Variants in SMARCA2 observed in about 807,000 individuals in gnomAD.
SMARCA2 encodes SWI/SNF-related matrix-associated actin-dependent regulator of chromatin subfamily A member 2.
Under a neutral mutation model 199.8 loss-of-function variants are expected in SMARCA2, and 61 were observed. The ratio of observed to expected loss-of-function variants is 0.31; its 90% CI spans 0.25 to 0.38. The LOEUF (loss-of-function observed/expected upper bound fraction) is 0.38, where lower values mean the gene tolerates loss of function less well. SMARCA2 is among the 10% of genes least tolerant of loss of function. The probability of loss-of-function intolerance (pLI) is 1.00; values close to 1 mark genes in which losing one functional copy is unlikely to be tolerated. For missense variants in SMARCA2, 1,344 were observed against 2,012.2 expected, an observed-to-expected ratio of 0.67 and a Z score of 6.35; for synonymous variants, 935 against 732.0, an observed-to-expected ratio of 1.28 and a Z score of -4.48.
chr9:2,175,647 G>C (rs754907939), intron 29 of SMARCA2, among the ~76,000 whole-genome samples: 1 of 152,158 alleles, frequency 6.6e-6, no homozygotes, highest in Middle Eastern at 3.2e-3. Flanking sequence ...TTCAATGAAG[G>C]TAACCCAATT....
chr9:2,122,484 A>T (rs1399047816), intron 26 of SMARCA2, among the ~76,000 whole-genome samples: 1 of 152,240 alleles, frequency 6.6e-6, no homozygotes, highest in Non-Finnish European at 1.5e-5. Flanking sequence ...AGGATTAAGC[A>T]TCGTGAGCTA....
Position 2,016,140 on chromosome 9 carries a change from G to T in SMARCA2, c.-37+736G>T, listed in dbSNP as rs1480717920. On this transcript the variant is annotated intron_variant, in intron 1 of 33. Transcript: ENST00000349721. This position sits in a 1 kb window ranked among gnomAD's most constrained non-coding sequence, Gnocchi z 5.6. The stretch of plus-strand genomic sequence containing the variant: ...AGGAGGTAGCGGCCACTGCCGCGGG[G>T]CCGGTGCGTGCCTGATCGGAGGTGT... 4 of 152,370 alleles carry T rather than the reference G, an allele frequency of 2.6e-5. No individual in the cohort carries two copies. The highest frequency in any genetic ancestry group is 7.2e-5 in the African/African-American group (3 of 41,470). The allele number at this position is 152,370 out of a possible 1,614,324, so 9.4% of individuals were successfully genotyped here. A position where few individuals can be genotyped will look rare whatever the true frequency, so the allele number is the denominator to read the frequency against.
rs1265913219 is a variant in SMARCA2, at chr9:2,118,379, T to C, written c.3685-1079T>C. Among the ~76,000 whole-genome samples, 4 of 152,324 alleles carry C rather than the reference T, an allele frequency of 2.6e-5. No homozygotes were observed. In the East Asian group the frequency reaches 7.7e-4, roughly 29 times the overall value. On this transcript the variant is annotated intron_variant, in intron 25 of 33. Transcript: ENST00000349721. Reference sequence around the variant, plus strand: ...ATTGGATTGCATTCATTTCTAACACTTATTAAGTTCCTGCAGTGCGAAAGA... The same window carrying C: ...ATTGGATTGCATTCATTTCTAACACCTATTAAGTTCCTGCAGTGCGAAAGA...
intron 19 of SMARCA2, 116 bp downstream of exon 19, chr9:2,088,729 A>G (rs904489254): frequency 6.9e-6 from 5 of 723,266 alleles, no homozygotes; most frequent in Middle Eastern, 2.5e-4. Context: ...AGTTAATAGT[A>G]TCTTGAAAAT....
At chr9:2,019,506 A>G (rs1818513131) in intron 1 of SMARCA2, among the ~76,000 whole-genome samples, 1 of 152,018 alleles carries the variant, frequency 6.6e-6, no homozygotes, top group Admixed American at 6.6e-5. Flanking sequence ...CAAAAAAAAA[A>G]AAAAAAAAGT....
intron 5 of SMARCA2, among the ~76,000 whole-genome samples, chr9:2,049,062 C>A (rs142573961): frequency 6.6e-6 from 1 of 152,186 alleles, no homozygotes; most frequent in African/African-American, 2.4e-5. Flanking sequence ...TACAAGCTCC[C>A]TAGTTAAAAC....
At chr9:2,131,131 C>T (rs1472901095) in intron 27 of SMARCA2, among the ~76,000 whole-genome samples, 1 of 152,162 alleles carries the variant, frequency 6.6e-6, no homozygotes, top group African/African-American at 2.4e-5. Flanking sequence ...TTTTGCCCCA[C>T]AGCACTGGAA....
At position 2,050,016 on chromosome 9, in the gene SMARCA2, A is replaced by G. The variant is rs545297369; in HGVS notation, c.1046+2532A>G. Among the ~76,000 whole-genome samples, 38 of 152,362 alleles carry G rather than the reference A, an allele frequency of 2.5e-4. No individual in the cohort carries two copies. The South Asian group carries it at 7.7e-3, about 31-fold the overall frequency. ...TGTTAATTTCTTTGGGTCTTGTAAT[A>G]TCATTTACCTTGTCTATGAAATTTG... On this transcript the variant is annotated intron_variant, in intron 5 of 33. Coordinates refer to ENST00000349721, the MANE Select transcript of SMARCA2 (RefSeq NM_003070.5).
intron 23 of SMARCA2, among the ~76,000 whole-genome samples, chr9:2,105,217 C>T (rs570526935): frequency 6.6e-6 from 1 of 151,714 alleles, no homozygotes; most frequent in African/African-American, 2.4e-5. Flanking sequence ...ATTAATTATA[C>T]CATTTGACAA....
intron 32 of SMARCA2, among the ~76,000 whole-genome samples, chr9:2,188,736 C>T (rs1287948734): frequency 1.3e-5 from 2 of 152,202 alleles, no homozygotes; most frequent in East Asian, 1.9e-4. Flanking sequence ...CAGCATGAGT[C>T]TCCCTGGACT....
At chr9:2,038,367 A>G (rs944175846) in intron 3 of SMARCA2, among the ~76,000 whole-genome samples, 3 of 152,198 alleles carry the variant, frequency 2.0e-5, no homozygotes, top group Admixed American at 6.5e-5. Flanking sequence ...TCCCCTTACC[A>G]TTTCTATACC....
Position 2,123,327 on chromosome 9 carries a change from A to T in SMARCA2, c.3763-392A>T, listed in dbSNP as rs1823546510. Among the ~76,000 whole-genome samples, 1 of 152,008 alleles carries T rather than the reference A, an allele frequency of 6.6e-6. No individual in the cohort carries two copies. The highest frequency in any genetic ancestry group is 2.4e-5 in the African/African-American group (1 of 41,378). ...TTTCTTAAAGATCTTTCTTTTCTTTACTCAAAGAATAAGTTTCTTCCAGGG... is the reference window on the plus strand; with the variant it reads ...TTTCTTAAAGATCTTTCTTTTCTTTTCTCAAAGAATAAGTTTCTTCCAGGG... On this transcript the variant is annotated intron_variant, in intron 26 of 33. Transcript: ENST00000349721. The surrounding 1 kb of genome is among the most constrained non-coding windows in gnomAD (Gnocchi z 4.1).
chr9:2,039,888 A>T lies in SMARCA2; in HGVS notation c.778A>T (p.Asn260Tyr). The change falls in exon 4 of 34, where the codon AAC becomes TAC. Residue 260 changes from asparagine (N) to tyrosine (Y), a missense_variant. Asn to Tyr is a moderately radical substitution (Grantham distance 143, BLOSUM62 -2). Coordinates refer to ENST00000349721, the MANE Select transcript of SMARCA2 (RefSeq NM_003070.5). This position sits in a 1 kb window ranked among gnomAD's most constrained non-coding sequence, Gnocchi z 4.8. ...ACAGCAGCCGGCCCTTGTTAACTAC[A>T]ACAGACCATCTGGTAGGTTAATACG... ...QQQQPALVNYNRPSGPGPELS... is the reference protein window; with the variant it reads ...QQQQPALVNYYRPSGPGPELS... 4 of 1,613,852 alleles carry T rather than the reference A, an allele frequency of 2.5e-6. No homozygotes were observed. Among genetic ancestry groups the T allele is most frequent in the Non-Finnish European group, 3.4e-6 (4 of 1,179,982 alleles).
rs368413814 is a variant in SMARCA2 at position 2,039,369 on chromosome 9, A to T, written c.356-97A>T. The stretch of plus-strand genomic sequence containing the variant: ...GATATGTCATTCAAATTTCTGTCAG[A>T]CAGTGTTGCTGTGGACAATTATTAG... On this transcript the variant is annotated intron_variant, in intron 3 of 33. Transcript: ENST00000349721. The surrounding 1 kb of genome is among the most constrained non-coding windows in gnomAD (Gnocchi z 4.8). 2 of 1,139,552 alleles carry T rather than the reference A, an allele frequency of 1.8e-6. No homozygotes were observed. Among genetic ancestry groups the T allele is most frequent in the African/African-American group, 1.6e-5 (1 of 64,176 alleles). The allele number at this position is 1,139,552 out of a possible 1,614,324, so 70.6% of individuals were successfully genotyped here. A position where few individuals can be genotyped will look rare whatever the true frequency, so the allele number is the denominator to read the frequency against.
chr9:2,161,649 T>C lies in SMARCA2; in HGVS notation c.3982-37T>C. 7.0e-7 allele frequency: 1 copy of C among 1,432,070 alleles called. No individual in the cohort carries two copies. The highest frequency in any genetic ancestry group is 9.8e-7 in the Non-Finnish European group (1 of 1,020,736). The allele number at this position is 1,432,070 out of a possible 1,614,324, so 88.7% of individuals were successfully genotyped here. On this transcript the variant is annotated intron_variant, in intron 27 of 33. Transcript: ENST00000349721. This position sits in a 1 kb window ranked among gnomAD's most constrained non-coding sequence, Gnocchi z 4.7. ...TACTTTTTTTGTCTTGGTTATTCTC[T>C]TGTCTTGAATTTGTCTCCTTTGTTT...
chr9:2,174,917 C>CCT (rs1442219906), intron 29 of SMARCA2, among the ~76,000 whole-genome samples: 6 of 92,298 alleles, frequency 6.5e-5, no homozygotes, highest in African/African-American at 3.1e-4. Context: ...AGAGTGAGAC[C>CCT]CTCTCTCAAA....
intron 18 of SMARCA2, chr9:2,087,305 T>C: frequency 1.9e-6 from 1 of 519,986 alleles, no homozygotes; most frequent in Non-Finnish European, 3.4e-6. Context: ...TGCCAGCATG[T>C]TTACCAGGCT....
intron 32 of SMARCA2, among the ~76,000 whole-genome samples, chr9:2,189,348 T>C (rs1170630047): frequency 2.6e-5 from 4 of 152,184 alleles, no homozygotes; most frequent in African/African-American, 7.2e-5. Context: ...GAGAGACATA[T>C]CCACTGACGC....
chr9:2,184,772 G>A (rs1827314983), intron 31 of SMARCA2, among the ~76,000 whole-genome samples: 1 of 151,780 alleles, frequency 6.6e-6, no homozygotes, highest in Non-Finnish European at 1.5e-5. Context: ...ATTTCTCACC[G>A]CTGAAGGAAT....
Sources: gnomAD v4.1 joint callset for allele counts (sites outside exome capture counted in the v4.1 genomes callset) on GRCh38, gnomAD v4.1.1 for gene constraint, Gnocchi (gnomAD v3.1) non-coding constraint, MANE v1.5 for transcripts, NCBI Gene and HGNC (gene_info 2026-07-23, HGNC 2026-07-21) for gene names.